The following SPAG16 variants were observed in gnomAD, a reference collection of about 807,000 sequenced individuals.
SPAG16 encodes sperm-associated antigen 16 protein.
In SPAG16, 86 loss-of-function variants were observed where a neutral mutation model predicts 80.4. The observed-to-expected ratio is 1.07, with a 90% CI of 0.90 to 1.28. The LOEUF is 1.28. Ranked by LOEUF, SPAG16 falls within the 50% of genes most tolerant of loss-of-function variation. The probability of loss-of-function intolerance (pLI) is 0.00; values close to 1 mark genes in which losing one functional copy is unlikely to be tolerated. For synonymous variants in SPAG16, 294 were observed against 265.9 expected (o/e 1.11, Z -1.03); for missense variants, 870 against 765.3 (o/e 1.14, Z -1.61).
intron 9 of SPAG16, among the ~76,000 whole-genome samples, chr2:213,461,651 G>A (rs894604078): frequency 6.6e-6 from 1 of 152,154 alleles, no homozygotes; most frequent in African/African-American, 2.4e-5. Context: ...TTTCAGGTTG[G>A]CAAGTGCCAT....
intron 10 of SPAG16, 23 bp from the exon 11 acceptor site, chr2:213,862,462 C>CT (rs777745368): frequency 6.2e-7 from 1 of 1,610,808 alleles, no homozygotes; most frequent in Non-Finnish European, 8.5e-7. Context: ...CCCCATAACT[C>CT]TTTTTTCTTT....
chr2:213,843,395 A>C (rs922152828), intron 10 of SPAG16, among the ~76,000 whole-genome samples: 1 of 152,304 alleles, frequency 6.6e-6, no homozygotes, highest in Admixed American at 6.5e-5. Context: ...CTACAATCCT[A>C]TAAAAGAAGC....
intron 10 of SPAG16, among the ~76,000 whole-genome samples, chr2:213,604,334 AT>A (rs1487385182): frequency 1.3e-5 from 2 of 151,442 alleles, no homozygotes; most frequent in East Asian, 3.9e-4. Flanking sequence ...TTTTTCCTTT[AT>A]TTTTTGTTCA....
At chr2:214,169,745 G>T (rs998456618) in intron 15 of SPAG16, among the ~76,000 whole-genome samples, 8 of 152,028 alleles carry the variant, frequency 5.3e-5, no homozygotes, top group Admixed American at 5.3e-4. Context: ...TAAACTTTCA[G>T]TTAAATGTGG....
chr2:213,736,484 C>T (rs752157289), intron 10 of SPAG16, among the ~76,000 whole-genome samples: 9 of 151,894 alleles, frequency 5.9e-5, no homozygotes, highest in Non-Finnish European at 1.2e-4. Context: ...GACAGGGTTT[C>T]GCCATGTTGG....
At chr2:213,396,510 T>G (rs1302750982) in intron 9 of SPAG16, 1 of 247,596 alleles carries the variant, frequency 4.0e-6, no homozygotes, top group Non-Finnish European at 8.4e-6. Flanking sequence ...CTTTGAGGCC[T>G]CCTTCAACAG....
chr2:213,429,746 C>G (rs1456210141), intron 9 of SPAG16, among the ~76,000 whole-genome samples: 2 of 152,054 alleles, frequency 1.3e-5, no homozygotes, highest in Non-Finnish European at 2.9e-5. Flanking sequence ...AAGGAAATTC[C>G]ACAGATTCTT....
At chr2:213,343,877 A>G (rs1042205167) in intron 6 of SPAG16, among the ~76,000 whole-genome samples, 1 of 152,116 alleles carries the variant, frequency 6.6e-6, no homozygotes, top group Non-Finnish European at 1.5e-5. Context: ...CTCTGGAGCA[A>G]TATTAAATAG....
At chr2:213,573,074 C>A (rs1227029080) in intron 10 of SPAG16, among the ~76,000 whole-genome samples, 1 of 152,188 alleles carries the variant, frequency 6.6e-6, no homozygotes, top group South Asian at 2.1e-4. Context: ...CCAGGTGAGG[C>A]AATGCCTCGC....
chr2:214,087,874 A>T (rs2051886585), intron 13 of SPAG16, among the ~76,000 whole-genome samples: 1 of 152,138 alleles, frequency 6.6e-6, no homozygotes, highest in South Asian at 2.1e-4. Flanking sequence ...ATGAACAGGA[A>T]GAACATCTAG....
chr2:214,082,059 T>TA (rs1336912454), intron 13 of SPAG16, among the ~76,000 whole-genome samples: 3 of 152,162 alleles, frequency 2.0e-5, no homozygotes, highest in Non-Finnish European at 2.9e-5. Flanking sequence ...ATCCTCTTCT[T>TA]ATGTCTTTTT....
intron 11 of SPAG16, among the ~76,000 whole-genome samples, chr2:213,878,129 T>A (rs34334049): frequency 0.19 from 28,525 of 152,192 alleles, 3,276 homozygotes; most frequent in South Asian, 0.32. Flanking sequence ...TCATTTTGAA[T>A]TCTCTCTACC....
chr2:214,043,478 G>A (rs1331059865), intron 13 of SPAG16, among the ~76,000 whole-genome samples: 1 of 152,064 alleles, frequency 6.6e-6, no homozygotes. Context: ...CAGGCAAGCT[G>A]CTTTAATTTC....
intron 15 of SPAG16, among the ~76,000 whole-genome samples, chr2:214,295,845 A>G (rs1694095110): frequency 6.6e-6 from 1 of 152,148 alleles, no homozygotes. Context: ...GTTATATATT[A>G]CATATTCACA....
At chr2:213,857,339 A>G (rs1167019964) in intron 10 of SPAG16, among the ~76,000 whole-genome samples, 1 of 152,240 alleles carries the variant, frequency 6.6e-6, no homozygotes, top group Admixed American at 6.5e-5. Context: ...TCCACCTGAC[A>G]GGCTGACTTT....
chr2:213,941,900 T>C (rs1436634407), intron 12 of SPAG16, among the ~76,000 whole-genome samples: 1 of 152,156 alleles, frequency 6.6e-6, no homozygotes, highest in African/African-American at 2.4e-5. Flanking sequence ...CCTCCCTTGG[T>C]CCCAACAACT....
chr2:214,008,744 CA>C (rs555712697), intron 12 of SPAG16, among the ~76,000 whole-genome samples: 20,177 of 116,790 alleles, frequency 0.17, 3,163 homozygotes, highest in African/African-American at 0.43. Flanking sequence ...GACTCCATCT[CA>C]AAAAAAAAAA....
At chr2:213,361,858 G>A (rs2065999334) in intron 7 of SPAG16, among the ~76,000 whole-genome samples, 1 of 150,148 alleles carries the variant, frequency 6.7e-6, no homozygotes, top group African/African-American at 2.5e-5. Flanking sequence ...ACTACTTGTG[G>A]AACTGAATTT....
intron 9 of SPAG16, among the ~76,000 whole-genome samples, chr2:213,400,891 C>T (rs1443584042): frequency 6.6e-6 from 1 of 152,098 alleles, no homozygotes; most frequent in African/African-American, 2.4e-5. Flanking sequence ...ACAGTAGCCT[C>T]GACCTCCCAG....
Sources: allele counts gnomAD v4.1 joint callset (sites outside exome capture counted in the v4.1 genomes callset), GRCh38; gene constraint gnomAD v4.1.1; transcripts MANE v1.5; gene names NCBI Gene and HGNC (gene_info 2026-07-23, HGNC 2026-07-21).